NCOA2: variants seen among roughly 807,000 people sequenced by gnomAD.
The protein encoded by NCOA2 is class E basic helix-loop-helix protein 75.
In NCOA2, 21 loss-of-function variants were observed where a neutral mutation model predicts 145.1. That is an observed-to-expected ratio of 0.14 (90% CI 0.10 to 0.21). The LOEUF (loss-of-function observed/expected upper bound fraction) is 0.21. Ranked by LOEUF, NCOA2 falls within the 10% of genes least tolerant of loss-of-function variation. The pLI, the probability that NCOA2 is intolerant of heterozygous loss-of-function variation, is 1.00. For missense variants in NCOA2, 1,472 were observed against 1,837.6 expected, an observed-to-expected ratio of 0.80 and a Z score of 3.64; for synonymous variants, 619 against 637.5, an observed-to-expected ratio of 0.97 and a Z score of 0.44.
chr8:70,260,876 G>C (rs971671792), intron 2 of NCOA2, among the ~76,000 whole-genome samples: 5 of 152,160 alleles, frequency 3.3e-5, no homozygotes, highest in African/African-American at 1.2e-4. Context: ...GGCCATCAGA[G>C]AAATGCAAAT....
chr8:70,196,027 T>A (rs976571190), intron 4 of NCOA2, among the ~76,000 whole-genome samples: 5 of 152,178 alleles, frequency 3.3e-5, no homozygotes, highest in African/African-American at 4.8e-5. Context: ...AGCAGCAGTA[T>A]TCAGATAGTG....
chr8:70,313,757 C>T (rs2136045023), intron 1 of NCOA2, among the ~76,000 whole-genome samples: 1 of 152,292 alleles, frequency 6.6e-6, no homozygotes, highest in African/African-American at 2.4e-5. Context: ...CAGTCACTTC[C>T]TAATCCTTAA....
intron 1 of NCOA2, among the ~76,000 whole-genome samples, chr8:70,307,716 C>T (rs188605152): frequency 6.6e-6 from 1 of 152,170 alleles, no homozygotes; most frequent in South Asian, 2.1e-4. Context: ...TTTGAAACAT[C>T]TTCACACAGC....
intron 1 of NCOA2, among the ~76,000 whole-genome samples, chr8:70,388,103 GGGATGGTATATAATGCAGCAAT>G (rs1812836390): frequency 6.6e-6 from 1 of 152,178 alleles, no homozygotes; most frequent in South Asian, 2.1e-4. Context: ...CACCAAGTTT[GGGATGGTATATAATGCAGCAAT>G]AGTAAATAGA....
chr8:70,417,550 A>G, the NCOA2 span, among the ~76,000 whole-genome samples: 3 of 144,812 alleles, frequency 2.1e-5, no homozygotes, highest in Non-Finnish European at 4.4e-5. Context: ...ACTCTGTCTC[A>G]AAAAACAAAC....
At chr8:70,117,774 G>A (rs1229959525) in intron 22 of NCOA2, among the ~76,000 whole-genome samples, 1 of 152,218 alleles carries the variant, frequency 6.6e-6, no homozygotes, top group African/African-American at 2.4e-5. Context: ...CAAAACAGTA[G>A]CTCTACCAGA....
chr8:70,174,392 G>C (rs1285300041), intron 5 of NCOA2, among the ~76,000 whole-genome samples: 1 of 152,048 alleles, frequency 6.6e-6, no homozygotes, highest in Non-Finnish European at 1.5e-5. Flanking sequence ...GTATGTATAG[G>C]CATTTGTACA....
intron 1 of NCOA2, among the ~76,000 whole-genome samples, chr8:70,353,737 ATCTAAGT>A (rs1390554793): frequency 6.6e-6 from 1 of 151,928 alleles, no homozygotes; most frequent in Non-Finnish European, 1.5e-5. Flanking sequence ...AATCTCCCAT[ATCTAAGT>A]TCTAAGGTAA....
intron 1 of NCOA2, among the ~76,000 whole-genome samples, chr8:70,313,965 TGAA>T (rs1805334096): frequency 6.6e-6 from 1 of 151,760 alleles, no homozygotes; most frequent in African/African-American, 2.4e-5. Flanking sequence ...GGTCAGGAGA[TGAA>T]GACCATCCTG....
In NCOA2 at chr8:70,110,748, G is replaced by A. The variant is rs185468465; in HGVS notation, c.*2884C>T. The A allele has an allele frequency of 8.9e-6, 2 of 223,486 alleles. No homozygotes were observed. Among genetic ancestry groups the A allele is most frequent in the East Asian group, 1.3e-4 (2 of 15,274 alleles). 13.8% of individuals were successfully genotyped at this position (223,486 alleles called of 1,614,324 possible). ...CAGGCCATAAGAGATACACATAGGGGGAGGGGCATTTTAATCTTTGAGTCA... is the reference window on the plus strand; with the variant it reads ...CAGGCCATAAGAGATACACATAGGGAGAGGGGCATTTTAATCTTTGAGTCA... On this transcript the variant is annotated 3_prime_UTR_variant, in exon 23 of 23. Coordinates refer to ENST00000452400, the MANE Select transcript of NCOA2 (RefSeq NM_006540.4).
chr8:70,113,266 A>G lies in NCOA2; in HGVS notation c.*366T>C, dbSNP rs1806705107. On this transcript the variant is annotated 3_prime_UTR_variant, in exon 23 of 23. Coordinates refer to ENST00000452400, the MANE Select transcript of NCOA2 (RefSeq NM_006540.4). ...AAGAAACCAGTGTCTGGAACCGAAC[A>G]GGAACAGAACAAGAGCATGGTTCTC... 1 of 299,994 alleles carries G rather than the reference A, an allele frequency of 3.3e-6. No homozygotes were observed. Among genetic ancestry groups the G allele is most frequent in the South Asian group, 1.4e-4 (1 of 7,306 alleles). The allele number at this position is 299,994 out of a possible 1,614,324, so 18.6% of individuals were successfully genotyped here. A position where few individuals can be genotyped will look rare whatever the true frequency, so the allele number is the denominator to read the frequency against.
chr8:70,415,230 G>A, the NCOA2 span, among the ~76,000 whole-genome samples: 3 of 151,952 alleles, frequency 2.0e-5, no homozygotes, highest in African/African-American at 7.3e-5. Flanking sequence ...TTGGAAGGCT[G>A]AGGTGTGAGG....
Position 70,141,227 on chromosome 8 carries a change from C to G in NCOA2, c.2985G>C (p.Gln995His), listed in dbSNP as rs761331206. Reference sequence around the variant, plus strand: ...ACTGAAGCGTCTGTCTTTGGCCAGGCTGGCTGCTGGGCCTCATGGGGATGC... The same window carrying G: ...ACTGAAGCGTCTGTCTTTGGCCAGGGTGGCTGCTGGGCCTCATGGGGATGC... ...AASIPMRPSS[Q>H]PGQRQTLQSQ... The change falls in exon 14 of 23, where the codon CAG (glutamine) becomes CAC (histidine). Residue 995 changes from glutamine (Q) to histidine (H), a missense_variant. Gln to His is a conservative substitution (Grantham distance 24, BLOSUM62 0). This residue lies in a region of NCOA2 where 953 missense variants were observed against 1,062.1 expected (regional missense o/e 0.90). Transcript: ENST00000452400. The G allele has an allele frequency of 3.1e-6, 5 of 1,613,904 alleles. No individual in the cohort carries two copies. In the South Asian group the frequency reaches 4.4e-5, roughly 14 times the overall value.
At position 70,124,720 on chromosome 8, in the gene NCOA2, A is replaced by G. The variant is rs1808215311; in HGVS notation, c.4062T>C (p.Asn1354=). 3.1e-6 allele frequency: 5 copies of G among 1,612,388 alleles called. No individual in the cohort carries two copies. The highest frequency in any genetic ancestry group is 1.6e-4 in the Middle Eastern group (1 of 6,074). ...NPAYQAPSDI[N]GWAQGNMGGN... is the part of the protein sequence containing the mutation. ...CGCCCATGTTCCCCTGCGCCCATCCATTTATGTCGGAGGGGGCCTGATAGG... is the reference window on the plus strand; with the variant it reads ...CGCCCATGTTCCCCTGCGCCCATCCGTTTATGTCGGAGGGGGCCTGATAGG... Residue 1354 remains asparagine (N), a synonymous_variant, in exon 20 of 23, where the codon AAT becomes AAC. Coordinates refer to ENST00000452400, the MANE Select transcript of NCOA2 (RefSeq NM_006540.4).
chr8:70,174,655 T>C (rs912486834), intron 5 of NCOA2, 101 bp downstream of exon 5: 21 of 1,087,018 alleles, frequency 1.9e-5, no homozygotes, highest in Non-Finnish European at 1.7e-5. Context: ...GTACTAGTAC[T>C]AGTGTGGATT....
chr8:70,341,082 G>GAAAAAAAAAAAAAAAAA (rs3085558), intron 1 of NCOA2, among the ~76,000 whole-genome samples: 6 of 105,060 alleles, frequency 5.7e-5, no homozygotes, highest in African/African-American at 9.6e-5. Flanking sequence ...TTAAAAAGTT[G>GAAAAAAAAAAAAAAAAA]AAAAAAAAAA....
intron 6 of NCOA2, among the ~76,000 whole-genome samples, chr8:70,167,372 G>A (rs768668116): frequency 2.6e-5 from 4 of 152,040 alleles, no homozygotes; most frequent in East Asian, 1.9e-4. Flanking sequence ...CCACCATACC[G>A]GGCCCGCATG....
chr8:70,216,630 A>T lies in NCOA2; in HGVS notation c.86+30T>A, dbSNP rs764094730. 6 of 1,546,218 alleles carry T rather than the reference A, an allele frequency of 3.9e-6. No homozygotes were observed. In the South Asian group the frequency reaches 6.7e-5, roughly 17 times the overall value. ...CACTCATGTGGCTTTAACAGACAATACTGATTCCTTTTCTCAGCAAGAATC... is the reference window on the plus strand; with the variant it reads ...CACTCATGTGGCTTTAACAGACAATTCTGATTCCTTTTCTCAGCAAGAATC... On this transcript the variant is annotated intron_variant, in intron 3 of 22. Coordinates refer to ENST00000452400, the MANE Select transcript of NCOA2 (RefSeq NM_006540.4).
Position 70,156,603 on chromosome 8 carries a change from G to C in NCOA2, c.1762C>G (p.Leu588Val). Residue 588 changes from leucine to valine, a missense_variant, in exon 11 of 23, where the codon CTA (leucine) becomes GTA (valine). Around this residue, in one of 4 missense-constraint regions of NCOA2, gnomAD observed 953 missense variants for 1,062.1 expected, o/e 0.90. Transcript: ENST00000452400. Reference sequence around the variant, plus strand: ...GTACCTTCAGAGGGCTCCCCATATAGTCCAAAACAGTCTTTTGAGTCCAAG... The same window carrying C: ...GTACCTTCAGAGGGCTCCCCATATACTCCAAAACAGTCTTTTGAGTCCAAG... ...GSLDSKDCFG[L>V]YGEPSEGTTG... 1 of 1,613,930 alleles carries C rather than the reference G, an allele frequency of 6.2e-7. No homozygotes were observed. Among genetic ancestry groups the C allele is most frequent in the South Asian group, 1.1e-5 (1 of 91,076 alleles).
Sources: allele counts gnomAD v4.1 joint callset (sites outside exome capture counted in the v4.1 genomes callset), GRCh38; gene constraint gnomAD v4.1.1; regional missense constraint gnomAD v4.1.1; transcripts MANE v1.5; gene names NCBI Gene and HGNC (gene_info 2026-07-23, HGNC 2026-07-21).